The following PLXNA1 variants were observed in gnomAD, a reference collection of about 807,000 sequenced individuals.
PLXNA1 encodes the protein plexin-A1.
A neutral mutation model predicts 191.7 loss-of-function variants in PLXNA1; 77 were observed. The ratio of observed to expected loss-of-function variants is 0.40; its 90% CI spans 0.33 to 0.49. The LOEUF (loss-of-function observed/expected upper bound fraction) is 0.49. PLXNA1 is among the 20% of genes least tolerant of loss of function. PLXNA1 has a pLI of 0.63. For missense variants in PLXNA1, 2,110 were observed against 2,660.2 expected (o/e 0.79, Z 4.55); for synonymous variants, 1,137 against 1,156.4 (o/e 0.98, Z 0.34).
At chr3:126,999,563 C>T (rs2079029936) in intron 3 of PLXNA1, among the ~76,000 whole-genome samples, 1 of 152,212 alleles carries the variant, frequency 6.6e-6, no homozygotes. Flanking sequence ...GCCCAGACAT[C>T]CTCCCGGCAC....
intron 10 of PLXNA1, 94 bp downstream of exon 10, chr3:127,012,252 G>C: frequency 7.8e-7 from 1 of 1,277,964 alleles, no homozygotes. Flanking sequence ...GTTCATAAAG[G>C]GCAGTGCACG....
At position 126,991,581 on chromosome 3, in the gene PLXNA1, G is replaced by A; in HGVS notation, c.1377+15G>A. The A allele has an allele frequency of 3.2e-6, 5 of 1,548,150 alleles. No homozygotes were observed. The highest frequency in any genetic ancestry group is 4.4e-6 in the Non-Finnish European group (5 of 1,142,534). ...GCATCCGCAAGGTCAGGCCTGGGTG[G>A]GGTGGGGTGAGGAGGGGGCTTGGGG... On this transcript the variant is annotated intron_variant, in intron 3 of 31. Coordinates refer to ENST00000393409, the MANE Select transcript of PLXNA1 (RefSeq NM_032242.4).
In PLXNA1 at chr3:126,988,912, G is replaced by A. The variant is rs143094550; in HGVS notation, c.319G>A (p.Gly107Ser). Residue 107 changes from glycine to serine, a missense_variant, in exon 2 of 32, where the codon GGC becomes AGC. By Grantham distance (56) the Gly-to-Ser change is moderately conservative (BLOSUM62 0). This residue lies in a region of PLXNA1 where 903 missense variants were observed against 1,015.7 expected (regional missense o/e 0.89). Transcript: ENST00000393409. Reference protein sequence around the residue: ...PPPSVQSCPHGLGSTDNVNKL... With the variant: ...PPPSVQSCPHSLGSTDNVNKL... ...GCCCAGCGTGCAGTCCTGCCCCCAC[G>A]GCCTGGGCAGTACTGACAACGTCAA... is the stretch of plus-strand genomic sequence containing the variant. The A allele has an allele frequency of 9.2e-5, 148 of 1,613,246 alleles. 1 individual carries two copies. The African/African-American group carries it at 1.1e-3, about 12-fold the overall frequency.
At chr3:127,029,850 G>T in intron 27 of PLXNA1, 24 bp from the exon 28 acceptor site, 7 of 1,577,634 alleles carry the variant, frequency 4.4e-6, no homozygotes, top group Non-Finnish European at 6.1e-6. Context: ...AGCCAACGCG[G>T]GCGCTGACAG....
intron 22 of PLXNA1, 82 bp downstream of exon 22, chr3:127,022,423 C>T (rs114623295): frequency 0.012 from 18,528 of 1,523,894 alleles, 176 homozygotes; most frequent in South Asian, 0.031. Flanking sequence ...GGCCCAGAGA[C>T]GTTGCTGTGG....
chr3:127,011,693 G>T (rs2079096366), intron 9 of PLXNA1, among the ~76,000 whole-genome samples: 1 of 152,254 alleles, frequency 6.6e-6, no homozygotes, highest in Non-Finnish European at 1.5e-5. Flanking sequence ...CTGCTGGCCA[G>T]ATGGGGCTCC....
At chr3:127,009,775 G>A (rs919013911) in intron 9 of PLXNA1, among the ~76,000 whole-genome samples, 8 of 152,188 alleles carry the variant, frequency 5.3e-5, no homozygotes, top group South Asian at 2.1e-4. Context: ...GTCTGAAGGC[G>A]GAGTGGCCTG....
chr3:127,014,116 G>A lies in PLXNA1; in HGVS notation c.2410G>A (p.Ala804Thr). Residue 804 changes from alanine (A) to threonine (T), a missense_variant and splice_region_variant, in exon 11 of 32, where the codon GCG becomes ACG. Physicochemically the swap from Ala to Thr is moderately conservative, Grantham distance 58. Around this residue, in one of 4 missense-constraint regions of PLXNA1, gnomAD observed 644 missense variants for 714.3 expected, o/e 0.90. Coordinates refer to ENST00000393409, the MANE Select transcript of PLXNA1 (RefSeq NM_032242.4). ...FVIDNPQNIQ[A>T]HLYKCPALRE... ...CATTGACAACCCACAGAACATCCAG[G>A]GTGAGTGGGCGCCCCGGCGGGGTGG... 1 of 1,613,728 alleles carries A rather than the reference G, an allele frequency of 6.2e-7. No individual in the cohort carries two copies. Among genetic ancestry groups the A allele is most frequent in the Non-Finnish European group, 8.5e-7 (1 of 1,179,914 alleles).
In PLXNA1 at chr3:127,036,832, T is replaced by TC. The variant is rs1369782342; in HGVS notation, c.*2817dup. The TC allele has an allele frequency of 1.3e-5, 2 of 152,308 alleles. No individual in the cohort carries two copies. Among genetic ancestry groups the TC allele is most frequent in the Non-Finnish European group, 2.9e-5 (2 of 68,108 alleles). 9.4% of individuals were successfully genotyped at this position (152,308 alleles called of 1,614,324 possible). ...CTTCCTGCAGCACCTCCTACCCTGCTCCGTGTCCTCCCTCTCCCCGCGCCT... is the reference window on the plus strand; with the variant it reads ...CTTCCTGCAGCACCTCCTACCCTGCTCCCGTGTCCTCCCTCTCCCCGCGCCT... On this transcript the variant is annotated 3_prime_UTR_variant, in exon 32 of 32. Coordinates refer to ENST00000393409, the MANE Select transcript of PLXNA1 (RefSeq NM_032242.4).
chr3:126,985,293 C>T (rs572460829), intron 1 of PLXNA1, among the ~76,000 whole-genome samples: 144 of 152,204 alleles, frequency 9.5e-4, no homozygotes, highest in African/African-American at 3.4e-3. Context: ...GGCTCCTGCA[C>T]GCAGACCGCG....
intron 27 of PLXNA1, 91 bp downstream of exon 27, chr3:127,029,627 C>A: frequency 1.5e-6 from 2 of 1,376,674 alleles, no homozygotes; most frequent in Non-Finnish European, 2.1e-6. Flanking sequence ...AGCAGCCGGA[C>A]GGGAGGACCC....
At position 126,998,620 on chromosome 3, in the gene PLXNA1, G is replaced by C. The variant is rs542790453; in HGVS notation, c.1378-4710G>C. 1.4e-4 allele frequency among the ~76,000 whole-genome samples: 22 copies of C among 152,354 alleles called. No homozygotes were observed. In the East Asian group the frequency reaches 4.0e-3, roughly 28 times the overall value. ...AGCTGTGCACATCTGCCCCACAGCA[G>C]GGCCAAGCACTTCCCCTTTGGAACC... On this transcript the variant is annotated intron_variant, in intron 3 of 31. Transcript: ENST00000393409.
At chr3:127,023,469 G>C (rs1161660765) in intron 23 of PLXNA1, among the ~76,000 whole-genome samples, 1 of 152,226 alleles carries the variant, frequency 6.6e-6, no homozygotes, top group Non-Finnish European at 1.5e-5. Context: ...GGAGGAGCCC[G>C]GTGTGTGCAT....
chr3:126,996,643 G>A (rs967102631), intron 3 of PLXNA1, among the ~76,000 whole-genome samples: 1 of 152,188 alleles, frequency 6.6e-6, no homozygotes, highest in African/African-American at 2.4e-5. Flanking sequence ...GGGAGGTGCA[G>A]GGCAGGACTG....
At chr3:126,988,054 G>A (rs138126707) in intron 1 of PLXNA1, among the ~76,000 whole-genome samples, 1 of 152,254 alleles carries the variant, frequency 6.6e-6, no homozygotes, top group Non-Finnish European at 1.5e-5. Flanking sequence ...TGTAGGGGAC[G>A]GTGGTGGAGT....
At chr3:126,991,309 A>G in intron 2 of PLXNA1, 75 bp from the exon 3 acceptor site, 1 of 1,543,982 alleles carries the variant, frequency 6.5e-7, no homozygotes, top group South Asian at 1.2e-5. Context: ...CTGCACTCCC[A>G]GCCCTGCCCA....
chr3:126,989,877 G>T, intron 2 of PLXNA1, 90 bp downstream of exon 2: 2 of 1,153,892 alleles, frequency 1.7e-6, no homozygotes, highest in Non-Finnish European at 2.5e-6. Context: ...AGTGGTGCCT[G>T]CTGTGTGCCT....
chr3:126,989,582 TGGCTGA>T lies in PLXNA1; in HGVS notation c.992_997del (p.Ala331_Glu332del), dbSNP rs1286311009. 1 of 1,613,250 alleles carries T rather than the reference TGGCTGA, an allele frequency of 6.2e-7. No individual in the cohort carries two copies. Among genetic ancestry groups the T allele is most frequent in the Non-Finnish European group, 8.5e-7 (1 of 1,180,020 alleles). On this transcript the variant is annotated inframe_deletion, in exon 2 of 32. Transcript: ENST00000393409. The stretch of plus-strand genomic sequence containing the variant: ...CGTGCCCTGGCCCACCAGCTGGGCC[TGGCTGA>T]GGACGAGGACGTGCTGTTCACTGTG...
At chr3:127,023,797 C>T (rs2079164103) in intron 23 of PLXNA1, among the ~76,000 whole-genome samples, 1 of 152,002 alleles carries the variant, frequency 6.6e-6, no homozygotes, top group South Asian at 2.1e-4. Context: ...GGCAATGGGG[C>T]AGGGCCGAGC....
Sources: allele counts gnomAD v4.1 joint callset (sites outside exome capture counted in the v4.1 genomes callset), GRCh38; gene constraint gnomAD v4.1.1; regional missense constraint gnomAD v4.1.1; transcripts MANE v1.5; gene names NCBI Gene and HGNC (gene_info 2026-07-23, HGNC 2026-07-21).